The following YEATS2 variants were observed in gnomAD, a reference collection of about 807,000 sequenced individuals.
The protein encoded by YEATS2 is YEATS domain containing 2, also known as YEATS domain-containing protein 2.
A neutral mutation model predicts 163.2 loss-of-function variants in YEATS2; 77 were observed. The ratio of observed to expected loss-of-function variants is 0.47; its 90% CI spans 0.39 to 0.57. The LOEUF (loss-of-function observed/expected upper bound fraction) is 0.57. Ranked by LOEUF, YEATS2 falls within the 20% of genes least tolerant of loss-of-function variation. The probability of loss-of-function intolerance (pLI) is 0.00; values close to 1 mark genes in which losing one functional copy is unlikely to be tolerated. For synonymous variants in YEATS2, 631 were observed against 645.1 expected (o/e 0.98, Z 0.33); for missense variants, 1,549 against 1,729.8 (o/e 0.90, Z 1.85).
intron 24 of YEATS2, 40 bp downstream of exon 24, chr3:183,800,608 G>T (rs1391722741): frequency 1.3e-6 from 2 of 1,562,076 alleles, no homozygotes; most frequent in Non-Finnish European, 1.8e-6. Context: ...TCCGCTTCGG[G>T]TGTTTGTCAC....
intron 7 of YEATS2, among the ~76,000 whole-genome samples, chr3:183,730,058 T>TG (rs1560244369): frequency 4.1e-4 from 17 of 41,572 alleles, no homozygotes; most frequent in African/African-American, 9.6e-4. Flanking sequence ...GTTTGTTTTT[T>TG]TTTTTTTTTT....
intron 20 of YEATS2, among the ~76,000 whole-genome samples, chr3:183,787,047 C>T (rs1245546418): frequency 2.6e-5 from 4 of 152,072 alleles, no homozygotes; most frequent in East Asian, 1.9e-4. Flanking sequence ...CTCCATCTCC[C>T]GGGTTCAAGC....
At chr3:183,702,846 G>A (rs905515285) in intron 1 of YEATS2, among the ~76,000 whole-genome samples, 5 of 144,772 alleles carry the variant, frequency 3.5e-5, no homozygotes, top group African/African-American at 7.6e-5. Context: ...AAAAAAAAAA[G>A]GGAATGGTAA....
In YEATS2 at chr3:183,804,112, C is replaced by T. The variant is rs1323164790; in HGVS notation, c.3708C>T (p.Thr1236=). ...IAHWCRCHGY[T]PPDPESLRND... ...ACTGGTGCCGCTGTCATGGCTACAC[C>T]CCACCGGACCCTGAGAGCCTGAGGA... is the stretch of plus-strand genomic sequence containing the variant. Residue 1236 remains threonine, a synonymous_variant, in exon 27 of 31, where the codon ACC becomes ACT. Transcript: ENST00000305135. 2 of 1,614,122 alleles carry T rather than the reference C, an allele frequency of 1.2e-6. No individual in the cohort carries two copies. The highest frequency in any genetic ancestry group is 1.7e-6 in the Non-Finnish European group (2 of 1,180,020).
intron 7 of YEATS2, among the ~76,000 whole-genome samples, chr3:183,730,566 G>A (rs1239230875): frequency 6.6e-6 from 1 of 152,134 alleles, no homozygotes; most frequent in Non-Finnish European, 1.5e-5. Context: ...TGGGCCTGGG[G>A]GTGGGGTGGA....
In YEATS2 at chr3:183,754,265, A is replaced by G. The variant is rs761802986; in HGVS notation, c.1290A>G (p.Ile430Met). ...ATGGCAATTCAGCTTTCCAGCCAATAGCATCAAGCTGCAAAATTGTTCCAC... is the reference window on the plus strand; with the variant it reads ...ATGGCAATTCAGCTTTCCAGCCAATGGCATCAAGCTGCAAAATTGTTCCAC... ...CSHGNSAFQP[I>M]ASSCKIVPQS... The change falls in exon 11 of 31, where the codon ATA becomes ATG. Residue 430 changes from isoleucine to methionine, a missense_variant. By Grantham distance (10) the Ile-to-Met change is conservative. Transcript: ENST00000305135. 4 of 1,614,206 alleles carry G rather than the reference A, an allele frequency of 2.5e-6. No individual in the cohort carries two copies. The Middle Eastern group carries it at 4.9e-4, about 200-fold the overall frequency.
chr3:183,729,848 C>T (rs1166608260), intron 7 of YEATS2, among the ~76,000 whole-genome samples: 7 of 151,786 alleles, frequency 4.6e-5, no homozygotes, highest in East Asian at 1.9e-4. Flanking sequence ...CCACCACACC[C>T]GGCTAATTTT....
chr3:183,778,765 C>T (rs909043606), intron 19 of YEATS2, among the ~76,000 whole-genome samples: 8 of 152,044 alleles, frequency 5.3e-5, no homozygotes, highest in African/African-American at 1.9e-4. Flanking sequence ...CTTTTCCTTT[C>T]TTTTCTCTTT....
chr3:183,761,931 T>G (rs1446128957), intron 14 of YEATS2, among the ~76,000 whole-genome samples, 166 bp from the exon 15 acceptor site: 2 of 152,216 alleles, frequency 1.3e-5, no homozygotes, highest in African/African-American at 2.4e-5. Context: ...TGGTATGGAC[T>G]GTATTTAAGC....
intron 3 of YEATS2, 72 bp from the exon 4 acceptor site, chr3:183,718,424 CTTAT>C (rs1716133943): frequency 9.5e-7 from 1 of 1,055,504 alleles, no homozygotes; most frequent in Admixed American, 3.1e-5. Context: ...ATTCACGTTT[CTTAT>C]TTTGTGAATT....
At position 183,706,411 on chromosome 3, in the gene YEATS2, AG is replaced by A. The variant is rs764070994; in HGVS notation, c.-20+8422del. On this transcript the variant is annotated intron_variant, in intron 1 of 30. Transcript: ENST00000305135. ...GAAAAGCTATTTGAAGGATTCAAGC[AG>A]GGGATGACATGATCAGAAAAATATT... is the stretch of plus-strand genomic sequence containing the variant. 1.4e-4 allele frequency among the ~76,000 whole-genome samples: 21 copies of A among 152,296 alleles called. 1 individual carries two copies. The highest frequency in any genetic ancestry group is 5.2e-4 in the Admixed American group (8 of 15,294).
chr3:183,734,108 A>G (rs1271075943), intron 7 of YEATS2, among the ~76,000 whole-genome samples: 1 of 152,218 alleles, frequency 6.6e-6, no homozygotes, highest in Non-Finnish European at 1.5e-5. Flanking sequence ...ACTGTGAGCC[A>G]CATCTGTAAT....
chr3:183,768,566 C>A (rs1278858885), intron 15 of YEATS2, among the ~76,000 whole-genome samples: 1 of 151,804 alleles, frequency 6.6e-6, no homozygotes, highest in Admixed American at 6.6e-5. Flanking sequence ...CATAAATATA[C>A]AGAAAAGTTC....
chr3:183,772,403 T>C lies in YEATS2; in HGVS notation c.2046T>C (p.Ser682=), dbSNP rs1722565412. 5 of 1,614,232 alleles carry C rather than the reference T, an allele frequency of 3.1e-6. No homozygotes were observed. The highest frequency in any genetic ancestry group is 4.2e-6 in the Non-Finnish European group (5 of 1,180,014). The change falls in exon 16 of 31, where the codon TCT becomes TCC. Residue 682 remains serine, a synonymous_variant. Transcript: ENST00000305135. The part of the protein sequence containing the change: ...GQILVAKASS[S]VSKAVGPKQV... Reference sequence around the variant, plus strand: ...TCCTGGTAGCCAAGGCCAGCTCTTCTGTCTCCAAAGCAGTTGGGCCAAAGC... The same window carrying C: ...TCCTGGTAGCCAAGGCCAGCTCTTCCGTCTCCAAAGCAGTTGGGCCAAAGC...
intron 11 of YEATS2, 82 bp from the exon 12 acceptor site, chr3:183,756,446 A>G: frequency 7.4e-7 from 1 of 1,350,842 alleles, no homozygotes; most frequent in Non-Finnish European, 9.9e-7. Flanking sequence ...GGTGGCACTG[A>G]CCTTCTTCCT....
intron 19 of YEATS2, among the ~76,000 whole-genome samples, chr3:183,779,388 C>T (rs1004862591): frequency 6.6e-6 from 1 of 152,170 alleles, no homozygotes; most frequent in African/African-American, 2.4e-5. Flanking sequence ...TCACTGTAGA[C>T]AGTTCTTTTA....
intron 21 of YEATS2, among the ~76,000 whole-genome samples, chr3:183,795,562 A>G (rs1041641581): frequency 6.7e-6 from 1 of 148,728 alleles, no homozygotes; most frequent in South Asian, 2.2e-4. Flanking sequence ...TGGCCTCCCA[A>G]AGTGCTGGGG....
intron 19 of YEATS2, among the ~76,000 whole-genome samples, chr3:183,782,719 C>T (rs1723695559): frequency 6.6e-6 from 1 of 152,226 alleles, no homozygotes; most frequent in Non-Finnish European, 1.5e-5. Context: ...CCACCGCACC[C>T]AGCCAGAGTG....
At chr3:183,736,314 G>T (rs770186986) in intron 7 of YEATS2, among the ~76,000 whole-genome samples, 4 of 152,140 alleles carry the variant, frequency 2.6e-5, no homozygotes, top group Non-Finnish European at 5.9e-5. Context: ...GATTCATTTT[G>T]TTTCTGCCTC....
Sources: gnomAD v4.1 joint callset for allele counts (sites outside exome capture counted in the v4.1 genomes callset) on GRCh38, gnomAD v4.1.1 for gene constraint, MANE v1.5 for transcripts, NCBI Gene and HGNC (gene_info 2026-07-23, HGNC 2026-07-21) for gene names.